B3GALT1: variants seen among roughly 807,000 people sequenced by gnomAD.
B3GALT1 encodes beta-1,3-galactosyltransferase 1.
B3GALT1 carries 10 observed loss-of-function variants against 23.2 expected under a neutral mutation model. That is an observed-to-expected ratio of 0.43 (90% CI 0.27 to 0.73). B3GALT1 has a LOEUF of 0.73. Ranked by LOEUF, B3GALT1 falls within the 30% of genes least tolerant of loss-of-function variation. The pLI, the probability that B3GALT1 is intolerant of heterozygous loss-of-function variation, is 0.21. For missense variants in B3GALT1, 299 were observed against 405.4 expected (o/e 0.74, Z 2.25); for synonymous variants, 156 against 141.5 (o/e 1.10, Z -0.73).
intron 1 of B3GALT1, among the ~76,000 whole-genome samples, chr2:167,466,250 C>A (rs1699342773): frequency 6.6e-6 from 1 of 152,106 alleles, no homozygotes; most frequent in African/African-American, 2.4e-5. Context: ...AGAAACAATA[C>A]ATTTGATAAT....
intron 3 of B3GALT1, among the ~76,000 whole-genome samples, chr2:167,695,512 C>T (rs1686778763): frequency 1.3e-5 from 2 of 152,146 alleles, no homozygotes; most frequent in African/African-American, 4.8e-5. Flanking sequence ...ACTCCTCAGC[C>T]TTACCAGGGA....
In B3GALT1 at chr2:167,869,849, G is replaced by A; in HGVS notation, c.810G>A (p.Leu270=). The A allele has an allele frequency of 1.9e-6, 3 of 1,614,170 alleles. No homozygotes were observed. The highest frequency in any genetic ancestry group is 2.7e-5 in the African/African-American group (2 of 75,036). ...ACCTTGAAGACGTATATGTGGGACT[G>A]TGTCTTCGAAAGCTGGGCATACATC... The part of the protein sequence containing the change: ...LLHLEDVYVG[L]CLRKLGIHPF... The change falls in exon 5 of 5, where the codon CTG becomes CTA. Residue 270 remains leucine, a synonymous_variant. Coordinates refer to ENST00000392690, the MANE Select transcript of B3GALT1 (RefSeq NM_020981.4). The surrounding 1 kb of genome is among the most constrained non-coding windows in gnomAD (Gnocchi z 6.4).
intron 1 of B3GALT1, among the ~76,000 whole-genome samples, chr2:167,475,065 A>G (rs2105332987): frequency 6.6e-6 from 1 of 152,294 alleles, no homozygotes; most frequent in East Asian, 1.9e-4. Context: ...ATACCCCTCT[A>G]TTAGCAATTT....
At chr2:167,540,140 G>A (rs1683511743) in intron 2 of B3GALT1, among the ~76,000 whole-genome samples, 1 of 152,072 alleles carries the variant, frequency 6.6e-6, no homozygotes, top group Non-Finnish European at 1.5e-5. Flanking sequence ...TCCCCTCTGA[G>A]TGGCCTTGTC....
intron 4 of B3GALT1, among the ~76,000 whole-genome samples, chr2:167,845,879 T>C (rs977621668): frequency 6.6e-6 from 1 of 151,210 alleles, no homozygotes; most frequent in Non-Finnish European, 1.5e-5. Flanking sequence ...AGAGGAGAAA[T>C]ATTCAAGGAA....
chr2:167,661,791 A>G lies in B3GALT1; in HGVS notation c.-352+14825A>G, dbSNP rs371422215. ...TTATAATGATCAAATATGAAACCAA[A>G]GGATAAATTAGTCAGGGGTTATAGA... On this transcript the variant is annotated intron_variant, in intron 3 of 4. Coordinates refer to ENST00000392690, the MANE Select transcript of B3GALT1 (RefSeq NM_020981.4). Among the ~76,000 whole-genome samples the G allele has an allele frequency of 1.2e-4, 19 of 152,236 alleles. No individual in the cohort carries two copies. In the East Asian group the frequency reaches 3.5e-3, roughly 28 times the overall value.
intron 3 of B3GALT1, among the ~76,000 whole-genome samples, chr2:167,692,007 G>A (rs573968608): frequency 1.3e-5 from 2 of 152,204 alleles, no homozygotes; most frequent in South Asian, 4.1e-4. Context: ...CGTATTAGTT[G>A]GCCTTCCTTG....
chr2:167,766,969 T>C (rs1687987112), intron 3 of B3GALT1, among the ~76,000 whole-genome samples: 1 of 152,220 alleles, frequency 6.6e-6, no homozygotes, highest in Non-Finnish European at 1.5e-5. Context: ...TAGCCATTGC[T>C]ATGATTGTGC....
chr2:167,365,851 C>T (rs915568000), intron 1 of B3GALT1, among the ~76,000 whole-genome samples: 2 of 152,112 alleles, frequency 1.3e-5, no homozygotes, highest in African/African-American at 4.8e-5. Context: ...TATAGTACCT[C>T]TAACAAGTAC....
intron 3 of B3GALT1, among the ~76,000 whole-genome samples, chr2:167,784,164 TA>T (rs1183000387): frequency 6.6e-6 from 1 of 152,176 alleles, no homozygotes; most frequent in Non-Finnish European, 1.5e-5. Flanking sequence ...GCAGGTCAGC[TA>T]AAACACACAA....
At chr2:167,476,354 T>C (rs1032164816) in intron 1 of B3GALT1, among the ~76,000 whole-genome samples, 5 of 152,232 alleles carry the variant, frequency 3.3e-5, no homozygotes, top group Non-Finnish European at 7.3e-5. Context: ...TCAGTAGACA[T>C]GAATATAAGC....
chr2:167,656,370 C>T (rs1304602748), intron 3 of B3GALT1, among the ~76,000 whole-genome samples: 2 of 152,066 alleles, frequency 1.3e-5, no homozygotes, highest in African/African-American at 2.4e-5. Context: ...AGCAAAGTGA[C>T]GACAGCAAAT....
intron 1 of B3GALT1, among the ~76,000 whole-genome samples, chr2:167,351,308 AAAAC>A (rs1229902206): frequency 2.0e-5 from 3 of 152,028 alleles, no homozygotes; most frequent in African/African-American, 7.2e-5. Context: ...ACCACACACA[AAAAC>A]AAAAAAATGT....
intron 2 of B3GALT1, among the ~76,000 whole-genome samples, chr2:167,568,174 TA>T (rs1425076029): frequency 6.6e-6 from 1 of 152,148 alleles, no homozygotes; most frequent in Non-Finnish European, 1.5e-5. Flanking sequence ...CAATTATGAG[TA>T]AAACTGCTAT....
intron 3 of B3GALT1, among the ~76,000 whole-genome samples, chr2:167,782,351 C>T (rs112982497): frequency 6.6e-6 from 1 of 151,984 alleles, no homozygotes; most frequent in Non-Finnish European, 1.5e-5. Context: ...TGAGGGTTGT[C>T]GAAAAGGACC....
chr2:167,610,277 C>A (rs1685036907), intron 2 of B3GALT1, among the ~76,000 whole-genome samples: 1 of 152,144 alleles, frequency 6.6e-6, no homozygotes. Flanking sequence ...GCAGGCAGAG[C>A]ACAGCTAATG....
At chr2:167,545,335 G>A (rs1351763516) in intron 2 of B3GALT1, among the ~76,000 whole-genome samples, 1 of 151,962 alleles carries the variant, frequency 6.6e-6, no homozygotes, top group Non-Finnish European at 1.5e-5. Context: ...GGCCCGGTGT[G>A]CCTTGGGTGT....
intron 4 of B3GALT1, among the ~76,000 whole-genome samples, chr2:167,822,947 C>T (rs981899234): frequency 2.6e-5 from 4 of 152,158 alleles, no homozygotes; most frequent in Non-Finnish European, 2.9e-5. Flanking sequence ...ATAGATAGAC[C>T]GCATTTCCTA....
In B3GALT1 at chr2:167,304,333, A is replaced by G. The variant is rs965002084; in HGVS notation, c.-511+10999A>G. Among the ~76,000 whole-genome samples, 23 of 152,280 alleles carry G rather than the reference A, an allele frequency of 1.5e-4. 1 individual carries two copies. The East Asian group carries it at 3.1e-3, about 20-fold the overall frequency. On this transcript the variant is annotated intron_variant, in intron 1 of 4. Coordinates refer to ENST00000392690, the MANE Select transcript of B3GALT1 (RefSeq NM_020981.4). ...GTTTTCAAAAATATTTGAAAGTATC[A>G]TGTACAGAGTCCCTTAGCTCTTTGT...
Sources: gnomAD v4.1 joint callset for allele counts (sites outside exome capture counted in the v4.1 genomes callset) on GRCh38, gnomAD v4.1.1 for gene constraint, Gnocchi (gnomAD v3.1) non-coding constraint, MANE v1.5 for transcripts, NCBI Gene and HGNC (gene_info 2026-07-23, HGNC 2026-07-21) for gene names.